The following ARID1B variants were observed in gnomAD, a reference collection of about 807,000 sequenced individuals.
The protein encoded by ARID1B is AT-rich interaction domain 1B.
Under a neutral mutation model 212.3 loss-of-function variants are expected in ARID1B, and 30 were observed. The observed-to-expected ratio is 0.14, with a 90% CI of 0.11 to 0.19. The LOEUF (loss-of-function observed/expected upper bound fraction) is 0.19. ARID1B is among the 10% of genes least tolerant of loss of function. The pLI is 1.00. For missense variants in ARID1B, 2,891 were observed against 3,204.0 expected, an observed-to-expected ratio of 0.90 and a Z score of 2.36; for synonymous variants, 1,402 against 1,301.7, an observed-to-expected ratio of 1.08 and a Z score of -1.66.
At chr6:156,907,784 T>C (rs1789522463) in intron 3 of ARID1B, among the ~76,000 whole-genome samples, 1 of 150,820 alleles carries the variant, frequency 6.6e-6, no homozygotes, top group Non-Finnish European at 1.5e-5. Flanking sequence ...GGCACACATC[T>C]GTTATCCCAG....
rs140822673 is a variant in ARID1B, at chr6:157,202,973, A to G, written c.5264-893A>G. Among the ~76,000 whole-genome samples, 1,312 of 152,310 alleles carry G rather than the reference A, an allele frequency of 8.6e-3. 17 individuals are homozygous for G. Among genetic ancestry groups the G allele is most frequent in the African/African-American group, 0.029 (1,220 of 41,568 alleles). ...TGCGGGTTATATAGCATTTGTCTTC[A>G]ACCTAGGGAAATTTACATGTTTATT... On this transcript the variant is annotated intron_variant, in intron 18 of 19. Coordinates refer to ENST00000636930, the MANE Select transcript of ARID1B (RefSeq NM_001374828.1).
chr6:156,808,044 A>AC (rs1341451302), intron 1 of ARID1B, among the ~76,000 whole-genome samples: 1 of 152,028 alleles, frequency 6.6e-6, no homozygotes, highest in Admixed American at 6.5e-5. Flanking sequence ...TAAAAATACA[A>AC]CCTCTTCATT....
intron 3 of ARID1B, chr6:156,901,992 T>A (rs1788982852): frequency 6.1e-6 from 1 of 164,602 alleles, no homozygotes; most frequent in Non-Finnish European, 1.3e-5. Flanking sequence ...TGTTATTCTA[T>A]TTAAACTAGC....
intron 4 of ARID1B, among the ~76,000 whole-genome samples, chr6:156,998,895 G>T (rs73578068): frequency 6.6e-6 from 1 of 152,172 alleles, no homozygotes. Context: ...GGTGGAACGC[G>T]GCCCTTGAGA....
At chr6:156,863,470 A>G (rs1286399255) in intron 2 of ARID1B, among the ~76,000 whole-genome samples, 1 of 152,124 alleles carries the variant, frequency 6.6e-6, no homozygotes, top group Non-Finnish European at 1.5e-5. Flanking sequence ...AGTTTTAAAG[A>G]TGATGATGAT....
At chr6:156,891,588 C>T (rs1787926393) in intron 2 of ARID1B, among the ~76,000 whole-genome samples, 1 of 152,272 alleles carries the variant, frequency 6.6e-6, no homozygotes, top group African/African-American at 2.4e-5. Context: ...CATTATACTA[C>T]ATATGGTTTT....
At chr6:156,842,395 G>A (rs913356870) in intron 2 of ARID1B, among the ~76,000 whole-genome samples, 1 of 152,130 alleles carries the variant, frequency 6.6e-6, no homozygotes, top group African/African-American at 2.4e-5. Context: ...GCTTTTTTCA[G>A]TTAGCATACT....
intron 1 of ARID1B, among the ~76,000 whole-genome samples, chr6:156,822,503 G>A (rs764524046): frequency 6.6e-5 from 10 of 152,224 alleles, no homozygotes; most frequent in African/African-American, 7.2e-5. Flanking sequence ...TCTCTTTGGC[G>A]ATTACATTCT....
rs1306375250 is a variant in ARID1B, at chr6:156,777,857, G to GGGCGGCGGC, written c.179_187dup (p.Gly60_Gly62dup). 1 of 1,337,284 alleles carries GGGCGGCGGC rather than the reference G, an allele frequency of 7.5e-7. No individual in the cohort carries two copies. Among genetic ancestry groups the GGGCGGCGGC allele is most frequent in the Admixed American group, 4.0e-5 (1 of 24,922 alleles). The allele number at this position is 1,337,284 out of a possible 1,614,324, so 82.8% of individuals were successfully genotyped here. A position where few individuals can be genotyped will look rare whatever the true frequency, so the allele number is the denominator to read the frequency against. ...CGGCGGCACCGGGACCCATGCTGGG[G>GGGCGGCGGC]GGCGGCGGCGACGGCGGCGGCGGCC... On this transcript the variant is annotated inframe_insertion, in exon 1 of 20. Coordinates refer to ENST00000636930, the MANE Select transcript of ARID1B (RefSeq NM_001374828.1).
intron 2 of ARID1B, among the ~76,000 whole-genome samples, chr6:156,887,275 G>A (rs559268309): frequency 8.5e-5 from 13 of 152,270 alleles, no homozygotes; most frequent in East Asian, 7.7e-4. Flanking sequence ...CTCTTCCCAC[G>A]GGACTGTCTG....
chr6:157,024,706 G>A (rs911680289), intron 4 of ARID1B: 9 of 152,248 alleles, frequency 5.9e-5, no homozygotes, highest in Non-Finnish European at 1.0e-4. Flanking sequence ...TGGAGGCAGA[G>A]GTTACAGTGA....
At chr6:156,803,159 T>C (rs1780908396) in intron 1 of ARID1B, among the ~76,000 whole-genome samples, 1 of 152,232 alleles carries the variant, frequency 6.6e-6, no homozygotes, top group Non-Finnish European at 1.5e-5. Context: ...TGTTTTCTTT[T>C]TATCAGATTG....
chr6:157,004,897 C>CTTTTTTTTTTTTTTTTTTTTTTTTTTT lies in ARID1B; in HGVS notation c.2247+69329_2247+69355dup, dbSNP rs1177807875. ...TTTTTTCTTTTTCTTCTTCTTTTTT[C>CTTTTTTTTTTTTTTTTTTTTTTTTTTT]TTTTTTTTTTTTTTTTTTTTTTTTT... On this transcript the variant is annotated intron_variant, in intron 4 of 19. Transcript: ENST00000636930. Among the ~76,000 whole-genome samples the CTTTTTTTTTTTTTTTTTTTTTTTTTTT allele has an allele frequency of 4.7e-4, 26 of 54,738 alleles. 5 individuals carry two copies. Among genetic ancestry groups the CTTTTTTTTTTTTTTTTTTTTTTTTTTT allele is most frequent in the Non-Finnish European group, 7.7e-4 (21 of 27,312 alleles). 35.9% of individuals were successfully genotyped at this position (54,738 alleles called of 152,430 possible).
At chr6:156,903,395 A>C (rs941092461) in intron 3 of ARID1B, among the ~76,000 whole-genome samples, 1 of 152,164 alleles carries the variant, frequency 6.6e-6, no homozygotes, top group African/African-American at 2.4e-5. Context: ...AAAACCAAAC[A>C]TTGCTCAAAA....
At chr6:157,084,609 T>C in intron 4 of ARID1B, 53 bp from the exon 5 acceptor site, 1 of 1,559,014 alleles carries the variant, frequency 6.4e-7, no homozygotes, top group Non-Finnish European at 8.8e-7. Context: ...CGTCTTTTGA[T>C]GAGATATTCA....
At chr6:157,018,899 C>G (rs1009211533) in intron 4 of ARID1B, among the ~76,000 whole-genome samples, 2 of 150,710 alleles carry the variant, frequency 1.3e-5, no homozygotes, top group Admixed American at 1.3e-4. Flanking sequence ...CATGGGGGGT[C>G]AGGGAAGACT....
chr6:157,183,044 C>T (rs893015944), intron 12 of ARID1B, among the ~76,000 whole-genome samples: 9 of 152,150 alleles, frequency 5.9e-5, no homozygotes, highest in Non-Finnish European at 8.8e-5. Flanking sequence ...AGACTCTCCG[C>T]GGGCTTATAA....
chr6:156,914,098 C>T (rs1790150333), intron 3 of ARID1B, among the ~76,000 whole-genome samples: 2 of 147,442 alleles, frequency 1.4e-5, no homozygotes, highest in African/African-American at 5.0e-5. Flanking sequence ...CTCCACTCCC[C>T]AACTCCCAGC....
At chr6:157,004,897 C>CTTTTTTGTTTTTTTTTTTTTTTTTTTTTT (rs1562542228) in intron 4 of ARID1B, among the ~76,000 whole-genome samples, 2 of 54,740 alleles carry the variant, frequency 3.7e-5, no homozygotes, top group African/African-American at 1.4e-4. Flanking sequence ...CTTCTTTTTT[C>CTTTTTTGTTTTTTTTTTTTTTTTTTTTTT]TTTTTTTTTT....
Sources: gnomAD v4.1 joint callset for allele counts (sites outside exome capture counted in the v4.1 genomes callset) on GRCh38, gnomAD v4.1.1 for gene constraint, MANE v1.5 for transcripts, NCBI Gene and HGNC (gene_info 2026-07-23, HGNC 2026-07-21) for gene names.